FGF14: variants seen among roughly 807,000 people sequenced by gnomAD.
FGF14 encodes the protein fibroblast growth factor 14.
A neutral mutation model predicts 25.5 loss-of-function variants in FGF14; 5 were observed. The observed-to-expected ratio is 0.20, with a 90% CI of 0.10 to 0.41. The LOEUF (loss-of-function observed/expected upper bound fraction) is 0.41, where lower values mean the gene tolerates loss of function less well. Among genes scored for constraint, FGF14 ranks in the 10% least tolerant of loss-of-function variants. The pLI is 1.00. For missense variants in FGF14, 222 were observed against 320.1 expected, an observed-to-expected ratio of 0.69 and a Z score of 2.34; for synonymous variants, 138 against 118.3, an observed-to-expected ratio of 1.17 and a Z score of -1.08.
intron 3 of FGF14, among the ~76,000 whole-genome samples, chr13:101,828,805 T>C (rs1307916665): frequency 1.3e-5 from 2 of 152,120 alleles, no homozygotes. Context: ...TTTTTAAAAG[T>C]CTACTGATGT....
intron 1 of FGF14, among the ~76,000 whole-genome samples, chr13:102,320,436 T>C (rs2138752024): frequency 6.6e-6 from 1 of 152,316 alleles, no homozygotes; most frequent in Admixed American, 6.5e-5. Flanking sequence ...GGTGCTGCAC[T>C]GGAGTTGCCA....
chr13:102,168,428 C>T (rs922651519), intron 1 of FGF14, among the ~76,000 whole-genome samples: 8 of 152,088 alleles, frequency 5.3e-5, no homozygotes, highest in East Asian at 3.9e-4. Flanking sequence ...ATCTGCCCAC[C>T]TCGGCCTCCC....
At chr13:101,800,329 T>G (rs981685973) in intron 3 of FGF14, among the ~76,000 whole-genome samples, 21 of 152,248 alleles carry the variant, frequency 1.4e-4, no homozygotes, top group African/African-American at 5.1e-4. Context: ...TAAAAACAAA[T>G]GAGAATTGAC....
chr13:102,362,268 T>C (rs766041298), intron 1 of FGF14, among the ~76,000 whole-genome samples: 1 of 152,206 alleles, frequency 6.6e-6, no homozygotes, highest in Non-Finnish European at 1.5e-5. Flanking sequence ...CCTCGTGATT[T>C]TGCTGGGACT....
At chr13:102,251,647 T>C (rs1490800498) in intron 1 of FGF14, among the ~76,000 whole-genome samples, 3 of 152,160 alleles carry the variant, frequency 2.0e-5, no homozygotes, top group Admixed American at 6.6e-5. Context: ...TTTTCTCTAC[T>C]AGCTATGCTC....
intron 1 of FGF14, among the ~76,000 whole-genome samples, chr13:101,984,391 T>C (rs752784915): frequency 6.6e-6 from 1 of 152,198 alleles, no homozygotes; most frequent in Non-Finnish European, 1.5e-5. Context: ...AAATCAAGTT[T>C]TATTTTTTAA....
At chr13:102,166,210 A>T (rs1053161813) in intron 1 of FGF14, among the ~76,000 whole-genome samples, 1 of 151,862 alleles carries the variant, frequency 6.6e-6, no homozygotes, top group Non-Finnish European at 1.5e-5. Flanking sequence ...AAAAAGAAAG[A>T]ATACAGTCTA....
chr13:101,737,494 A>G (rs142327437), intron 3 of FGF14, among the ~76,000 whole-genome samples: 33 of 152,326 alleles, frequency 2.2e-4, no homozygotes, highest in Admixed American at 1.6e-3. Context: ...GTGTCTTGCT[A>G]TATCCTACCA....
chr13:102,161,682 G>GTACCCC (rs1566765756), intron 1 of FGF14, among the ~76,000 whole-genome samples: 2,757 of 57,192 alleles, frequency 0.048, 218 homozygotes, highest in African/African-American at 0.12. Flanking sequence ...AGAAGAAGAA[G>GTACCCC]AAGAAGAAGA....
At chr13:101,928,121 G>A (rs971194573) in intron 1 of FGF14, among the ~76,000 whole-genome samples, 3 of 152,152 alleles carry the variant, frequency 2.0e-5, no homozygotes, top group African/African-American at 4.8e-5. Flanking sequence ...GGATGACCAC[G>A]AGCTGGACAC....
At chr13:101,914,393 T>A (rs541030733) in intron 1 of FGF14, among the ~76,000 whole-genome samples, 4 of 151,874 alleles carry the variant, frequency 2.6e-5, no homozygotes, top group Non-Finnish European at 4.4e-5. Flanking sequence ...ATAAGAAATA[T>A]AAGAAGAATA....
rs558594367 is a variant in FGF14, at chr13:102,401,727, G to T, written c.-49C>A. 1.5e-5 allele frequency: 22 copies of T among 1,496,996 alleles called. No homozygotes were observed. In the South Asian group the frequency reaches 2.3e-4, roughly 16 times the overall value. The allele number at this position is 1,496,996 out of a possible 1,614,324, so 92.7% of individuals were successfully genotyped here. A position where few individuals can be genotyped will look rare whatever the true frequency, so the allele number is the denominator to read the frequency against. ...TCTTCTCCCAGTTTTTTCCCCTCAC[G>T]TGGTATATTTCTTTGAGACTTCTCA... On this transcript the variant is annotated 5_prime_UTR_variant, in exon 1 of 5. Transcript: ENST00000376131.
intron 1 of FGF14, among the ~76,000 whole-genome samples, chr13:102,094,390 C>T (rs138996673): frequency 6.6e-6 from 1 of 152,286 alleles, no homozygotes; most frequent in East Asian, 1.9e-4. Context: ...GAAGCTGTAT[C>T]TGCCAAACAA....
Position 101,713,911 on chromosome 13 carries a change from C to G in FGF14, c.*8920G>C, listed in dbSNP as rs986502975. 6.5e-6 allele frequency: 1 copy of G among 152,794 alleles called. No individual in the cohort carries two copies. Among genetic ancestry groups the G allele is most frequent in the African/African-American group, 2.4e-5 (1 of 41,418 alleles). 9.5% of individuals were successfully genotyped at this position (152,794 alleles called of 1,614,324 possible). A position where few individuals can be genotyped will look rare whatever the true frequency, so the allele number is the denominator to read the frequency against. ...GGCAAATATACTGAGTGACTGTATG[C>G]ATTTTTAGCACTTTAATTAGCCACC... On this transcript the variant is annotated 3_prime_UTR_variant, in exon 5 of 5. Coordinates refer to ENST00000376143, the MANE Select transcript of FGF14 (RefSeq NM_004115.4).
At chr13:101,975,834 G>GT (rs1414007205) in intron 1 of FGF14, among the ~76,000 whole-genome samples, 2 of 152,148 alleles carry the variant, frequency 1.3e-5, no homozygotes, top group African/African-American at 4.8e-5. Flanking sequence ...ACTATATCCT[G>GT]TTTTTGTGAC....
chr13:101,977,642 A>G (rs894059631), intron 1 of FGF14, among the ~76,000 whole-genome samples: 2 of 152,048 alleles, frequency 1.3e-5, no homozygotes, highest in South Asian at 4.2e-4. Context: ...GACCCCAGGA[A>G]CCCTTGGCAG....
At chr13:102,219,271 T>C (rs1432943018) in intron 1 of FGF14, among the ~76,000 whole-genome samples, 1 of 152,190 alleles carries the variant, frequency 6.6e-6, no homozygotes, top group African/African-American at 2.4e-5. Context: ...TTGCGTCCAC[T>C]CCCAGCATCT....
At chr13:101,980,515 G>A (rs2038184736) in intron 1 of FGF14, among the ~76,000 whole-genome samples, 1 of 152,112 alleles carries the variant, frequency 6.6e-6, no homozygotes, top group South Asian at 2.1e-4. Context: ...TTTTCCATTA[G>A]AGAGAAGTTG....
At chr13:101,823,705 G>T (rs1404044484) in intron 3 of FGF14, among the ~76,000 whole-genome samples, 1 of 150,622 alleles carries the variant, frequency 6.6e-6, no homozygotes, top group African/African-American at 2.4e-5. Context: ...CCAAACTGCT[G>T]GGATTACAGG....
Sources: allele counts gnomAD v4.1 joint callset (sites outside exome capture counted in the v4.1 genomes callset), GRCh38; gene constraint gnomAD v4.1.1; transcripts MANE v1.5; gene names NCBI Gene and HGNC (gene_info 2026-07-23, HGNC 2026-07-21).